The following NALCN variants were observed in gnomAD, a reference collection of about 807,000 sequenced individuals.
The protein encoded by NALCN is sodium leak channel NALCN.
NALCN carries 111 observed loss-of-function variants against 225.3 expected under a neutral mutation model. The observed-to-expected ratio is 0.49, with a 90% CI of 0.42 to 0.58. The LOEUF (loss-of-function observed/expected upper bound fraction) is 0.58, where lower values mean the gene tolerates loss of function less well. Ranked by LOEUF, NALCN falls within the 20% of genes least tolerant of loss-of-function variation. NALCN has a pLI of 0.00. For missense variants in NALCN, 1,378 were observed against 2,202.4 expected (o/e 0.63, Z 7.49); for synonymous variants, 764 against 769.0 (o/e 0.99, Z 0.11).
chr13:101,250,352 C>T (rs902662948), intron 11 of NALCN, among the ~76,000 whole-genome samples: 1 of 151,986 alleles, frequency 6.6e-6, no homozygotes, highest in African/African-American at 2.4e-5. Flanking sequence ...ACATCAGTAG[C>T]TTGCCCTAAT....
chr13:101,074,790 T>C lies in NALCN; in HGVS notation c.3955-128A>G, dbSNP rs540508983. ...GGAAGACCTGGGTAGCAACTAATCTTTAAGCAGATTGGCTCAAAATCACTC... is the reference window on the plus strand; with the variant it reads ...GGAAGACCTGGGTAGCAACTAATCTCTAAGCAGATTGGCTCAAAATCACTC... On this transcript the variant is annotated intron_variant, in intron 35 of 43. Coordinates refer to ENST00000251127, the MANE Select transcript of NALCN (RefSeq NM_052867.4). 4 of 1,106,172 alleles carry C rather than the reference T, an allele frequency of 3.6e-6. 1 individual carries two copies. The South Asian group carries it at 8.2e-5, about 23-fold the overall frequency. 68.5% of individuals were successfully genotyped at this position (1,106,172 alleles called of 1,614,324 possible). A position where few individuals can be genotyped will look rare whatever the true frequency, so the allele number is the denominator to read the frequency against.
intron 13 of NALCN, among the ~76,000 whole-genome samples, chr13:101,200,300 T>A (rs919429996): frequency 3.3e-5 from 5 of 152,160 alleles, no homozygotes; most frequent in African/African-American, 9.7e-5. Flanking sequence ...CCTGAAGACA[T>A]CTTTGGTTCA....
At chr13:101,100,612 G>A (rs547881417) in intron 27 of NALCN, among the ~76,000 whole-genome samples, 172 bp downstream of exon 27, 13 of 152,194 alleles carry the variant, frequency 8.5e-5, no homozygotes, top group Admixed American at 3.9e-4. Flanking sequence ...CAGGGCTCTC[G>A]CTCTGTTGCC....
At chr13:101,064,453 G>A (rs1370947204) in intron 40 of NALCN, among the ~76,000 whole-genome samples, 1 of 152,052 alleles carries the variant, frequency 6.6e-6, no homozygotes, top group Non-Finnish European at 1.5e-5. Context: ...ATAGAACATT[G>A]CAGATGTAAT....
intron 12 of NALCN, among the ~76,000 whole-genome samples, chr13:101,236,815 G>A (rs1450715929): frequency 6.6e-6 from 1 of 150,836 alleles, no homozygotes; most frequent in Non-Finnish European, 1.5e-5. Flanking sequence ...CCTAATGCTA[G>A]ATGACGAGTT....
intron 15 of NALCN, among the ~76,000 whole-genome samples, chr13:101,169,059 G>A (rs774066658): frequency 2.0e-5 from 3 of 152,124 alleles, no homozygotes; most frequent in Non-Finnish European, 4.4e-5. Flanking sequence ...GTGTGCTTCC[G>A]AAACATTATC....
In NALCN at chr13:101,104,826, T is replaced by C. The variant is rs2035013851; in HGVS notation, c.2636+68A>G. On this transcript the variant is annotated intron_variant, in intron 23 of 43. Coordinates refer to ENST00000251127, the MANE Select transcript of NALCN (RefSeq NM_052867.4). This position sits in a 1 kb window ranked among gnomAD's most constrained non-coding sequence, Gnocchi z 4.2. ...GAAAATAAAAGAGAATTTTAATCGT[T>C]GTATGCAGCATAAAATAGTACATGA... The C allele has an allele frequency of 1.3e-6, 2 of 1,576,394 alleles. No individual in the cohort carries two copies. Among genetic ancestry groups the C allele is most frequent in the Non-Finnish European group, 1.7e-6 (2 of 1,147,094 alleles).
chr13:101,143,699 G>A (rs773402820), intron 16 of NALCN, among the ~76,000 whole-genome samples: 12 of 152,118 alleles, frequency 7.9e-5, no homozygotes, highest in Non-Finnish European at 1.8e-4. Context: ...CCCGACCTCA[G>A]GTGATCTGCC....
chr13:101,156,988 A>G (rs1228434837), intron 15 of NALCN, among the ~76,000 whole-genome samples: 1 of 152,198 alleles, frequency 6.6e-6, no homozygotes. Flanking sequence ...TAGATACACT[A>G]TGAAAATTCA....
At chr13:101,339,848 G>T (rs571797082) in intron 7 of NALCN, among the ~76,000 whole-genome samples, 43 of 152,150 alleles carry the variant, frequency 2.8e-4, no homozygotes, top group Non-Finnish European at 6.3e-4. Flanking sequence ...TTGTGAGAGG[G>T]GAGGGGAATA....
At chr13:101,295,623 A>G (rs1343025551) in intron 7 of NALCN, among the ~76,000 whole-genome samples, 1 of 152,164 alleles carries the variant, frequency 6.6e-6, no homozygotes, top group Non-Finnish European at 1.5e-5. Context: ...AGAAACAGAA[A>G]CCCACAGTAC....
chr13:101,406,677 A>G (rs939663754), intron 1 of NALCN, among the ~76,000 whole-genome samples: 1 of 152,196 alleles, frequency 6.6e-6, no homozygotes, highest in Non-Finnish European at 1.5e-5. Flanking sequence ...TCTGGTAGAA[A>G]TCATCAAACC....
intron 10 of NALCN, among the ~76,000 whole-genome samples, chr13:101,269,930 A>G (rs1200473644): frequency 6.6e-6 from 1 of 152,214 alleles, no homozygotes; most frequent in African/African-American, 2.4e-5. Context: ...TTGGCTGGAC[A>G]TAGGTAATAA....
At chr13:101,112,291 TA>T (rs1464174670) in intron 18 of NALCN, among the ~76,000 whole-genome samples, 2 of 152,228 alleles carry the variant, frequency 1.3e-5, no homozygotes, top group Non-Finnish European at 2.9e-5. Flanking sequence ...ACCACTTGTT[TA>T]AACCACGAAG....
At position 101,163,619 on chromosome 13, in the gene NALCN, G is replaced by A. The variant is rs76925234; in HGVS notation, c.1839+12681C>T. ...GCTGAGAAAGCTGCTCCAGGGTGGC[G>A]CAGGCTGGCGTAGGATTCCAAGGGT... is the stretch of plus-strand genomic sequence containing the variant. On this transcript the variant is annotated intron_variant, in intron 15 of 43. Coordinates refer to ENST00000251127, the MANE Select transcript of NALCN (RefSeq NM_052867.4). Among the ~76,000 whole-genome samples, 1,394 of 152,188 alleles carry A rather than the reference G, an allele frequency of 9.2e-3. 22 individuals are homozygous for A. The highest frequency in any genetic ancestry group is 0.032 in the African/African-American group (1,317 of 41,532).
At chr13:101,279,279 T>TAGG (rs2043067604) in intron 10 of NALCN, among the ~76,000 whole-genome samples, 1 of 152,214 alleles carries the variant, frequency 6.6e-6, no homozygotes, top group Non-Finnish European at 1.5e-5. Flanking sequence ...GGAAGTGGTG[T>TAGG]AGGAAGAGGA....
chr13:101,134,300 C>T (rs1211852334), intron 17 of NALCN, among the ~76,000 whole-genome samples: 1 of 152,208 alleles, frequency 6.6e-6, no homozygotes, highest in Non-Finnish European at 1.5e-5. Context: ...CACGTGTGTG[C>T]ATGCCATGCA....
chr13:101,154,351 G>A lies in NALCN; in HGVS notation c.1840-9455C>T, dbSNP rs528229293. 1.4e-4 allele frequency among the ~76,000 whole-genome samples: 21 copies of A among 152,178 alleles called. No individual in the cohort carries two copies. The South Asian group carries it at 4.2e-3, about 30-fold the overall frequency. Reference sequence around the variant, plus strand: ...ACCAAAACAACACTTTCAAGCAATTGGTACACTTTTACTTGTGAATCTTGT... The same window carrying A: ...ACCAAAACAACACTTTCAAGCAATTAGTACACTTTTACTTGTGAATCTTGT... On this transcript the variant is annotated intron_variant, in intron 15 of 43. Transcript: ENST00000251127.
rs533311405 is a variant in NALCN, at chr13:101,399,984, A to T, written c.-39-819T>A. On this transcript the variant is annotated intron_variant, in intron 1 of 43. Coordinates refer to ENST00000251127, the MANE Select transcript of NALCN (RefSeq NM_052867.4). Reference sequence around the variant, plus strand: ...TACAATGTGAGAAGAATTGTTATAAAGGCAGGTGGTACCTGATGATCCCTG... The same window carrying T: ...TACAATGTGAGAAGAATTGTTATAATGGCAGGTGGTACCTGATGATCCCTG... 1.1e-4 allele frequency among the ~76,000 whole-genome samples: 17 copies of T among 152,296 alleles called. 1 individual carries two copies. The South Asian group carries it at 3.5e-3, about 32-fold the overall frequency.
Sources: allele counts gnomAD v4.1 joint callset (sites outside exome capture counted in the v4.1 genomes callset), GRCh38; gene constraint gnomAD v4.1.1; non-coding constraint Gnocchi (gnomAD v3.1); transcripts MANE v1.5; gene names NCBI Gene and HGNC (gene_info 2026-07-23, HGNC 2026-07-21).